The following ZNF500 variants were observed in gnomAD, a reference collection of about 807,000 sequenced individuals.
The protein encoded by ZNF500 is zinc finger protein with KRAB and SCAN domains 18.
In ZNF500, 31 loss-of-function variants were observed where a neutral mutation model predicts 30.1. The observed-to-expected ratio is 1.03, with a 90% confidence interval of 0.77 to 1.39. The LOEUF (loss-of-function observed/expected upper bound fraction) is 1.39, where lower values mean the gene tolerates loss of function less well. Among genes scored for constraint, ZNF500 ranks in the 40% most tolerant of loss-of-function variants. The pLI, the probability that ZNF500 is intolerant of heterozygous loss-of-function variation, is 0.00. For missense variants in ZNF500, 817 were observed against 657.8 expected, an observed-to-expected ratio of 1.24 and a Z score of -2.65; for synonymous variants, 392 against 282.0, an observed-to-expected ratio of 1.39 and a Z score of -3.91.
At position 4,762,310 on chromosome 16, in the gene ZNF500, C is replaced by T; in HGVS notation, c.624G>A (p.Glu208=). 6.2e-7 allele frequency: 1 copy of T among 1,610,562 alleles called. No homozygotes were observed. The highest frequency in any genetic ancestry group is 8.5e-7 in the Non-Finnish European group (1 of 1,178,508). Residue 208 remains glutamate (E), a synonymous_variant, in exon 4 of 6, where the codon GAG becomes GAA. Coordinates refer to ENST00000219478, the MANE Select transcript of ZNF500 (RefSeq NM_021646.4). The part of the protein sequence containing the change: ...ERGPPAPRHQ[E]MASASPFLSA... ...AAAGGAAGGGCGAGGCTGACGCCAT[C>T]TCCTGATGCCGGGGAGCTGGAGGGC...
chr16:4,761,508 CACACACACACACACACACAT>C lies in ZNF500; in HGVS notation c.663+743_663+762del, dbSNP rs1165173603. On this transcript the variant is annotated intron_variant, in intron 4 of 5. Transcript: ENST00000219478. ...ACACACACACACACACACACACACACACACACACACACACACACATATAAAAATTATAAATAAATAAATAA... is the reference window on the plus strand; with the variant it reads ...ACACACACACACACACACACACACACATAAAAATTATAAATAAATAAATAA... Among the ~76,000 whole-genome samples, 476 of 147,842 alleles carry C rather than the reference CACACACACACACACACACAT, an allele frequency of 3.2e-3. 3 individuals carry two copies. Among genetic ancestry groups the C allele is most frequent in the African/African-American group, 0.011 (454 of 39,536 alleles).
Position 4,762,262 on chromosome 16 carries a change from C to T in ZNF500, c.663+9G>A, listed in dbSNP as rs756953971. The T allele has an allele frequency of 3.1e-6, 5 of 1,610,698 alleles. No homozygotes were observed. In the South Asian group the frequency reaches 4.4e-5, roughly 14 times the overall value. ...CCAGGATGCTGCAGACCAGGAGCATCCCACTCACCTGGGACCAGGCCGAAA... is the reference window on the plus strand; with the variant it reads ...CCAGGATGCTGCAGACCAGGAGCATTCCACTCACCTGGGACCAGGCCGAAA... On this transcript the variant is annotated intron_variant, in intron 4 of 5. Coordinates refer to ENST00000219478, the MANE Select transcript of ZNF500 (RefSeq NM_021646.4).
rs754402415 is a variant in ZNF500 at position 4,752,884 on chromosome 16, G to A, written c.935C>T (p.Pro312Leu). The A allele has an allele frequency of 2.5e-6, 4 of 1,613,876 alleles. No homozygotes were observed. The highest frequency in any genetic ancestry group is 3.3e-5 in the Admixed American group (2 of 60,010). Residue 312 changes from proline (P) to leucine (L), a missense_variant, in exon 6 of 6, where the codon CCA (proline) becomes CTA (leucine). Transcript: ENST00000219478. ...VRPDQPRGGP[P>L]PGRRASHGAD... ...CCCATGGGAAGCCCGTCTTCCTGGT[G>A]GGGGGCCGCCTCTTGGCTGATCAGG...
intron 5 of ZNF500, among the ~76,000 whole-genome samples, chr16:4,756,099 T>C (rs915767320): frequency 7.2e-5 from 11 of 152,160 alleles, no homozygotes; most frequent in Non-Finnish European, 5.9e-5. Flanking sequence ...TTTAGCATGA[T>C]AAAGAATGTT....
rs771676442 is a variant in ZNF500, at chr16:4,751,688, TA to T, written c.*687del. 8 of 1,509,998 alleles carry T rather than the reference TA, an allele frequency of 5.3e-6. No homozygotes were observed. Among genetic ancestry groups the T allele is most frequent in the Non-Finnish European group, 7.1e-6 (8 of 1,124,136 alleles). The allele number at this position is 1,509,998 out of a possible 1,614,324, so 93.5% of individuals were successfully genotyped here. ...TTTGGAAACACGGGTTTTGATGATA[TA>T]ATTAGTTAAGATGAGGTCACAGTGT... On this transcript the variant is annotated 3_prime_UTR_variant, in exon 6 of 6. Coordinates refer to ENST00000219478, the MANE Select transcript of ZNF500 (RefSeq NM_021646.4).
chr16:4,763,964 G>C, intron 2 of ZNF500: 1 of 985,448 alleles, frequency 1.0e-6, no homozygotes, highest in Non-Finnish European at 1.2e-6. Context: ...ATCCACGCAA[G>C]GCCCTGAAAA....
At chr16:4,744,835 C>A (rs961192037), downstream of ZNF500, 5 of 1,595,408 alleles carry the variant, frequency 3.1e-6, no homozygotes, top group Non-Finnish European at 4.3e-6. Flanking sequence ...TGGGCCAAGT[C>A]CCCACTAATC....
At chr16:4,761,682 TAAAAAAAAAAC>T (rs1284819961) in intron 4 of ZNF500, among the ~76,000 whole-genome samples, 1 of 135,798 alleles carries the variant, frequency 7.4e-6, no homozygotes, top group African/African-American at 2.7e-5. Flanking sequence ...TGTGTCCCAT[TAAAAAAAAAAC>T]AAAAAAAAAA....
At chr16:4,747,194 C>T, downstream of ZNF500, 1 of 1,207,966 alleles carries the variant, frequency 8.3e-7, no homozygotes, top group Non-Finnish European at 1.2e-6. Flanking sequence ...CACTGGGTCC[C>T]AGCAGTGGCA....
At position 4,752,276 on chromosome 16, in the gene ZNF500, A is replaced by G. The variant is rs1379923159; in HGVS notation, c.*100T>C. 2.1e-6 allele frequency: 3 copies of G among 1,429,684 alleles called. No homozygotes were observed. The East Asian group carries it at 7.5e-5, about 36-fold the overall frequency. The allele number at this position is 1,429,684 out of a possible 1,614,324, so 88.6% of individuals were successfully genotyped here. On this transcript the variant is annotated 3_prime_UTR_variant, in exon 6 of 6. Transcript: ENST00000219478. ...GCCTCATACTGGGCCATGGGAGGAA[A>G]CGGGCAGCTGGCAATGCTTTCGGAC...
intron 2 of ZNF500, among the ~76,000 whole-genome samples, chr16:4,764,500 G>T (rs60401637): frequency 0.015 from 2,246 of 151,180 alleles, 57 homozygotes; most frequent in African/African-American, 0.052. Flanking sequence ...AAAATAAATG[G>T]GCTAGGTGCG....
rs368535900 is a variant in ZNF500, at chr16:4,765,827, T to C, written c.152A>G (p.Gln51Arg). ...CTGGTAGCAGAAGAGCCGGAAGAGC[T>C]GGCGGAAAGTCTCAGGGCTGGGGTC... Reference protein sequence around the residue: ...TEDPSPETFRQLFRLFCYQEV... With the variant: ...TEDPSPETFRRLFRLFCYQEV... The change falls in exon 2 of 6, where the codon CAG (glutamine) becomes CGG (arginine). Residue 51 changes from glutamine to arginine, a missense_variant. Physicochemically the swap from Gln to Arg is conservative, Grantham distance 43. Coordinates refer to ENST00000219478, the MANE Select transcript of ZNF500 (RefSeq NM_021646.4). 6.8e-6 allele frequency: 11 copies of C among 1,613,502 alleles called. No homozygotes were observed. Among genetic ancestry groups the C allele is most frequent in the East Asian group, 6.7e-5 (3 of 44,882 alleles).
chr16:4,765,812 A>AC lies in ZNF500; in HGVS notation c.166_167insG (p.Phe56CysfsTer64). On this transcript the variant is annotated frameshift_variant, in exon 2 of 6. Coordinates refer to ENST00000219478, the MANE Select transcript of ZNF500 (RefSeq NM_021646.4). LOFTEE classifies it high-confidence loss of function. ...GGGCCCAGCCACCTCCTGGTAGCAG[A>AC]AGAGCCGGAAGAGCTGGCGGAAAGT... 6.2e-7 allele frequency: 1 copy of AC among 1,613,454 alleles called. No homozygotes were observed. Among genetic ancestry groups the AC allele is most frequent in the Middle Eastern group, 1.7e-4 (1 of 6,060 alleles).
intron 5 of ZNF500, chr16:4,756,329 C>T (rs983872250): frequency 1.3e-5 from 2 of 151,982 alleles, no homozygotes; most frequent in Non-Finnish European, 2.9e-5. Flanking sequence ...ACTAAAAATA[C>T]AAAAATTAGC....
In ZNF500 at chr16:4,749,462, T is replaced by C. The variant is rs1247210448; in HGVS notation, c.*2914A>G. 1 of 154,456 alleles carries C rather than the reference T, an allele frequency of 6.5e-6. No homozygotes were observed. Among genetic ancestry groups the C allele is most frequent in the Non-Finnish European group, 1.5e-5 (1 of 68,246 alleles). 9.6% of individuals were successfully genotyped at this position (154,456 alleles called of 1,614,324 possible). On this transcript the variant is annotated 3_prime_UTR_variant, in exon 6 of 6. Transcript: ENST00000219478. ...AGGAAGTCAGACCTGCGTCCAAAGCTGGCTCTGCCACCTGGGCAAGGTTTT... is the reference window on the plus strand; with the variant it reads ...AGGAAGTCAGACCTGCGTCCAAAGCCGGCTCTGCCACCTGGGCAAGGTTTT...
At chr16:4,766,274 C>A (rs1008043892) in intron 1 of ZNF500, among the ~76,000 whole-genome samples, 198 bp from the exon 2 acceptor site, 8 of 152,202 alleles carry the variant, frequency 5.3e-5, no homozygotes, top group African/African-American at 1.9e-4. Context: ...GGCTTTGCTT[C>A]CTCACTGGGC....
chr16:4,766,519 G>A (rs546597678), intron 1 of ZNF500, among the ~76,000 whole-genome samples: 1 of 152,286 alleles, frequency 6.6e-6, no homozygotes, highest in African/African-American at 2.4e-5. Flanking sequence ...AACTCGGGAG[G>A]CTGAGACAGG....
Position 4,766,000 on chromosome 16 carries a change from CT to C in ZNF500, c.-23del. On this transcript the variant is annotated 5_prime_UTR_variant, in exon 2 of 6. Coordinates refer to ENST00000219478, the MANE Select transcript of ZNF500 (RefSeq NM_021646.4). ...CCATTGCTTCCGGTGGGCCTTGTTCCTTTTCAGGCCTTAGAGTTGAACCTGT... is the reference window on the plus strand; with the variant it reads ...CCATTGCTTCCGGTGGGCCTTGTTCCTTTCAGGCCTTAGAGTTGAACCTGT... 1 of 1,525,866 alleles carries C rather than the reference CT, an allele frequency of 6.6e-7. No individual in the cohort carries two copies. The allele number at this position is 1,525,866 out of a possible 1,614,324, so 94.5% of individuals were successfully genotyped here.
chr16:4,745,885 C>T (rs930960098), downstream of ZNF500, among the ~76,000 whole-genome samples: 14 of 145,714 alleles, frequency 9.6e-5, no homozygotes, highest in Admixed American at 8.5e-4. Flanking sequence ...ACCCAGGAGG[C>T]GGAGGTTGCA....
Sources: gnomAD v4.1 joint callset for allele counts (sites outside exome capture counted in the v4.1 genomes callset) on GRCh38, gnomAD v4.1.1 for gene constraint, MANE v1.5 for transcripts, NCBI Gene and HGNC (gene_info 2026-07-23, HGNC 2026-07-21) for gene names.